The following CDH18 variants were observed in gnomAD, a reference collection of about 807,000 sequenced individuals.
CDH18 encodes the protein cadherin 18.
A neutral mutation model predicts 67.9 loss-of-function variants in CDH18; 31 were observed. The ratio of observed to expected loss-of-function variants is 0.46; its 90% confidence interval spans 0.34 to 0.62. CDH18 has a LOEUF of 0.62. Among genes scored for constraint, CDH18 ranks in the 20% least tolerant of loss-of-function variants. The pLI, the probability that CDH18 is intolerant of heterozygous loss-of-function variation, is 0.01. For synonymous variants in CDH18, 362 were observed against 347.2 expected (o/e 1.04, Z -0.48); for missense variants, 890 against 975.5 (o/e 0.91, Z 1.17).
intron 8 of CDH18, among the ~76,000 whole-genome samples, chr5:19,547,285 C>T (rs1736500038): frequency 6.6e-6 from 1 of 152,088 alleles, no homozygotes; most frequent in Non-Finnish European, 1.5e-5. Context: ...GTTAACCTGT[C>T]TTTAAGAAAT....
intron 2 of CDH18, among the ~76,000 whole-genome samples, chr5:19,843,763 T>C (rs1335414233): frequency 6.6e-6 from 1 of 152,214 alleles, no homozygotes; most frequent in African/African-American, 2.4e-5. Context: ...GGAGTGGAGC[T>C]ACCCTAGGCC....
At chr5:20,053,876 G>A (rs1008310544) in intron 2 of CDH18, among the ~76,000 whole-genome samples, 84 of 152,184 alleles carry the variant, frequency 5.5e-4, no homozygotes, top group Non-Finnish European at 5.9e-5. Context: ...AAGAGCTTAG[G>A]TACTAGCTTC....
Position 20,247,793 on chromosome 5 carries a change from C to T in CDH18, c.-518+7651G>A, listed in dbSNP as rs112884300. 3.0e-4 allele frequency among the ~76,000 whole-genome samples: 45 copies of T among 149,494 alleles called. 1 individual carries two copies. The South Asian group carries it at 3.6e-3, about 12-fold the overall frequency. On this transcript the variant is annotated intron_variant, in intron 2 of 14. Coordinates refer to the CDH18 transcript ENST00000507958. ...AAAAAAAGATATACTTTTAGGAAAA[C>T]GACAAGTCTAATAGTTCAAAACAAA...
At chr5:19,926,089 AT>A (rs887659853) in intron 2 of CDH18, among the ~76,000 whole-genome samples, 8 of 152,000 alleles carry the variant, frequency 5.3e-5, no homozygotes, top group South Asian at 4.2e-4. Flanking sequence ...TTCACCTGCA[AT>A]TTTTTTTCAA....
At chr5:20,163,119 A>T (rs1323315079) in intron 2 of CDH18, among the ~76,000 whole-genome samples, 1 of 152,066 alleles carries the variant, frequency 6.6e-6, no homozygotes, top group Admixed American at 6.6e-5. Flanking sequence ...ATTTAGAATC[A>T]ATCATTATAA....
chr5:19,880,415 A>C (rs1787509733), intron 2 of CDH18, among the ~76,000 whole-genome samples: 1 of 152,140 alleles, frequency 6.6e-6, no homozygotes, highest in Middle Eastern at 3.2e-3. Context: ...CCTAAAATGA[A>C]GAGTAATTAT....
At chr5:20,296,131 C>T (rs1227237326) in intron 1 of CDH18, among the ~76,000 whole-genome samples, 1 of 151,802 alleles carries the variant, frequency 6.6e-6, no homozygotes, top group Non-Finnish European at 1.5e-5. Context: ...GCCTCAGCCT[C>T]CCAAAGTGCT....
intron 2 of CDH18, among the ~76,000 whole-genome samples, chr5:20,163,040 C>T (rs1269254304): frequency 6.8e-6 from 1 of 147,254 alleles, no homozygotes; most frequent in Non-Finnish European, 1.5e-5. Flanking sequence ...GCCTAGGTGA[C>T]AAGAGCAAAA....
intron 2 of CDH18, among the ~76,000 whole-genome samples, chr5:20,186,725 T>C (rs1485957280): frequency 6.9e-6 from 1 of 145,942 alleles, no homozygotes; most frequent in Non-Finnish European, 1.5e-5. Context: ...ATGTAGTCAC[T>C]TTGGAAAATG....
At chr5:19,839,579 C>T (rs1465697467) in intron 2 of CDH18, among the ~76,000 whole-genome samples, 1 of 152,082 alleles carries the variant, frequency 6.6e-6, no homozygotes. Flanking sequence ...AAAATTGTCA[C>T]AGACCATAAC....
At chr5:20,326,688 G>T (rs539204828) in intron 1 of CDH18, among the ~76,000 whole-genome samples, 4 of 151,912 alleles carry the variant, frequency 2.6e-5, no homozygotes, top group South Asian at 2.1e-4. Flanking sequence ...ACAGGTGCCC[G>T]CCACCACACC....
rs374810133 is a variant in CDH18, at chr5:20,174,723, G to T, written c.-518+80721C>A. Among the ~76,000 whole-genome samples, 42 of 152,190 alleles carry T rather than the reference G, an allele frequency of 2.8e-4. No individual in the cohort carries two copies. In the East Asian group the frequency reaches 5.4e-3, roughly 20 times the overall value. ...GAAAAATACAATTTGTGTGTAAAATGATCGGTAAATATGATCCCATTATAA... is the reference window on the plus strand; with the variant it reads ...GAAAAATACAATTTGTGTGTAAAATTATCGGTAAATATGATCCCATTATAA... On this transcript the variant is annotated intron_variant, in intron 2 of 14. Coordinates refer to the CDH18 transcript ENST00000507958.
chr5:20,093,101 C>T (rs898861116), intron 2 of CDH18, among the ~76,000 whole-genome samples: 3 of 151,950 alleles, frequency 2.0e-5, no homozygotes, highest in African/African-American at 7.3e-5. Context: ...GCAAGGAATG[C>T]TGGCACACAC....
chr5:20,080,232 CTTA>C (rs1744332318), intron 2 of CDH18, among the ~76,000 whole-genome samples: 1 of 152,226 alleles, frequency 6.6e-6, no homozygotes, highest in Admixed American at 6.5e-5. Context: ...CTTTAGTCCA[CTTA>C]TTATCCTTTT....
At chr5:19,886,165 A>G (rs998233062) in intron 2 of CDH18, 2 of 152,186 alleles carry the variant, frequency 1.3e-5, no homozygotes, top group African/African-American at 4.8e-5. Context: ...ATTACTTGAT[A>G]CTGGGCTCAG....
chr5:20,143,448 G>C (rs918036726), intron 2 of CDH18, among the ~76,000 whole-genome samples: 4 of 151,992 alleles, frequency 2.6e-5, no homozygotes, highest in African/African-American at 9.7e-5. Flanking sequence ...GCTCACTGCA[G>C]CCTCAAACTC....
At chr5:20,347,634 A>G (rs1471160780) in intron 1 of CDH18, among the ~76,000 whole-genome samples, 2 of 152,244 alleles carry the variant, frequency 1.3e-5, no homozygotes, top group Non-Finnish European at 2.9e-5. Flanking sequence ...GGCAGGCACA[A>G]TTCATCAAAA....
At chr5:19,800,955 T>C (rs1296220614) in intron 3 of CDH18, among the ~76,000 whole-genome samples, 3 of 151,848 alleles carry the variant, frequency 2.0e-5, no homozygotes, top group African/African-American at 4.8e-5. Flanking sequence ...CCAGTCTTTA[T>C]TAAAATACAA....
chr5:19,868,132 G>A (rs1334294029), intron 2 of CDH18, among the ~76,000 whole-genome samples: 1 of 152,188 alleles, frequency 6.6e-6, no homozygotes, highest in African/African-American at 2.4e-5. Context: ...ACACCAGGGT[G>A]AGAATGGACT....
Sources: allele counts gnomAD v4.1 joint callset (sites outside exome capture counted in the v4.1 genomes callset), GRCh38; gene constraint gnomAD v4.1.1; transcripts MANE v1.5; gene names NCBI Gene and HGNC (gene_info 2026-07-23, HGNC 2026-07-21).